The following MYT1L variants were observed in gnomAD, a reference collection of about 807,000 sequenced individuals.
The protein encoded by MYT1L is myelin transcription factor 1 like, also known as myelin transcription factor 1-like protein.
MYT1L carries 12 observed loss-of-function variants against 126.7 expected under a neutral mutation model. The observed-to-expected ratio is 0.09, with a 90% CI of 0.06 to 0.15. MYT1L has a LOEUF of 0.15. Ranked by LOEUF, MYT1L falls within the 10% of genes least tolerant of loss-of-function variation. The pLI, the probability that MYT1L is intolerant of heterozygous loss-of-function variation, is 1.00. For missense variants in MYT1L, 979 were observed against 1,585.2 expected (o/e 0.62, Z 6.49); for synonymous variants, 541 against 604.2 (o/e 0.90, Z 1.53).
intron 1 of MYT1L, among the ~76,000 whole-genome samples, chr2:2,316,585 G>A (rs994613153): frequency 2.0e-5 from 3 of 152,194 alleles, no homozygotes; most frequent in African/African-American, 4.8e-5. Flanking sequence ...AGGGTGGTTC[G>A]AGAGAAACCA....
At chr2:2,267,762 G>GTCC (rs2095169643) in intron 2 of MYT1L, among the ~76,000 whole-genome samples, 1 of 152,136 alleles carries the variant, frequency 6.6e-6, no homozygotes, top group Non-Finnish European at 1.5e-5. Flanking sequence ...CTGCAAGGAG[G>GTCC]TGCCTGGATC....
At chr2:2,285,594 C>T (rs1160110855) in intron 1 of MYT1L, among the ~76,000 whole-genome samples, 1 of 152,168 alleles carries the variant, frequency 6.6e-6, no homozygotes, top group Non-Finnish European at 1.5e-5. Context: ...AATGCCCTCC[C>T]CTTTCTGGGT....
At chr2:2,001,237 C>CTTTTTTTTTTTTTTTTGTTTTTTTTT (rs11389323) in intron 4 of MYT1L, among the ~76,000 whole-genome samples, 9 of 103,908 alleles carry the variant, frequency 8.7e-5, no homozygotes, top group African/African-American at 1.5e-4. Context: ...TTGGTTTTAG[C>CTTTTTTTTTTTTTTTTGTTTTTTTTT]TTTTTTTTTT....
intron 9 of MYT1L, among the ~76,000 whole-genome samples, chr2:1,937,179 G>C (rs921415666): frequency 6.6e-6 from 1 of 152,162 alleles, no homozygotes; most frequent in Admixed American, 6.5e-5. Flanking sequence ...TCCAACAAAA[G>C]CAGCCCCTGC....
chr2:2,095,812 A>C lies in MYT1L; in HGVS notation c.-303-41689T>G, dbSNP rs17039316. Among the ~76,000 whole-genome samples, 1,201 of 151,986 alleles carry C rather than the reference A, an allele frequency of 7.9e-3. 66 individuals are homozygous for C. In the East Asian group the frequency reaches 0.14, roughly 18 times the overall value. ...CCTGACCGCTCACACTCAGCACTTT[A>C]CTCTGTCCAGCTGTCATACTTGGGT... is the stretch of plus-strand genomic sequence containing the variant. On this transcript the variant is annotated intron_variant, in intron 3 of 24. Coordinates refer to ENST00000647738, the MANE Select transcript of MYT1L (RefSeq NM_001303052.2).
chr2:2,246,784 A>T (rs1206250881), intron 2 of MYT1L, among the ~76,000 whole-genome samples: 1 of 152,210 alleles, frequency 6.6e-6, no homozygotes, highest in Non-Finnish European at 1.5e-5. Context: ...AATTTTATTG[A>T]TCACTTATTG....
At chr2:1,883,132 C>T (rs999097605) in intron 18 of MYT1L, among the ~76,000 whole-genome samples, 2 of 152,286 alleles carry the variant, frequency 1.3e-5, no homozygotes, top group East Asian at 3.9e-4. Context: ...CTTTTTCCTA[C>T]AAGGAGTTAC....
intron 3 of MYT1L, among the ~76,000 whole-genome samples, chr2:2,166,988 TTTGA>T (rs1412335135): frequency 1.3e-5 from 2 of 152,342 alleles, no homozygotes; most frequent in East Asian, 1.9e-4. Context: ...GTGAAGGCAC[TTTGA>T]TTGAATAGCA....
At chr2:1,792,776 A>G (rs1308409524) in intron 23 of MYT1L, among the ~76,000 whole-genome samples, 1 of 148,864 alleles carries the variant, frequency 6.7e-6, no homozygotes. Flanking sequence ...AGACTGAGAC[A>G]TGAGAATAGC....
At chr2:1,869,357 T>A (rs937414354) in intron 18 of MYT1L, among the ~76,000 whole-genome samples, 4 of 152,164 alleles carry the variant, frequency 2.6e-5, no homozygotes, top group African/African-American at 9.7e-5. Flanking sequence ...GGGCACTGAG[T>A]TGGGGGTCTC....
intron 2 of MYT1L, among the ~76,000 whole-genome samples, chr2:2,233,254 G>C (rs2094202186): frequency 6.6e-6 from 1 of 152,236 alleles, no homozygotes; most frequent in South Asian, 2.1e-4. Context: ...GGTCCAAAGA[G>C]AAAACAGAGC....
At chr2:1,993,872 C>T (rs11679140) in intron 5 of MYT1L, among the ~76,000 whole-genome samples, 21,785 of 152,120 alleles carry the variant, frequency 0.14, 1,602 homozygotes, top group East Asian at 0.31. Flanking sequence ...GGAGGGTAAG[C>T]GTTCTCTCAC....
At position 1,887,694 on chromosome 2, in the gene MYT1L, C is replaced by T; in HGVS notation, c.2521-85G>A. ...GAGGTGGTTCGTGGCTCTGGGGTGGCCTCTACATCTTACACCTCTTTCTGC... is the reference window on the plus strand; with the variant it reads ...GAGGTGGTTCGTGGCTCTGGGGTGGTCTCTACATCTTACACCTCTTTCTGC... On this transcript the variant is annotated intron_variant, in intron 16 of 24. Coordinates refer to ENST00000647738, the MANE Select transcript of MYT1L (RefSeq NM_001303052.2). The surrounding 1 kb of genome is among the most constrained non-coding windows in gnomAD (Gnocchi z 4.8). The T allele has an allele frequency of 1.3e-6, 2 of 1,538,336 alleles. No individual in the cohort carries two copies. Among genetic ancestry groups the T allele is most frequent in the South Asian group, 2.3e-5 (2 of 88,366 alleles).
intron 3 of MYT1L, among the ~76,000 whole-genome samples, chr2:2,068,794 T>TTTTTTTTTG (rs2074229176): frequency 6.9e-6 from 1 of 145,090 alleles, no homozygotes; most frequent in African/African-American, 2.5e-5. Context: ...TTTTTTTTTT[T>TTTTTTTTTG]TTTTCATATG....
chr2:1,837,190 G>T (rs1002621306), intron 21 of MYT1L, among the ~76,000 whole-genome samples: 6 of 152,192 alleles, frequency 3.9e-5, no homozygotes, highest in Non-Finnish European at 8.8e-5. Flanking sequence ...GGAGGGAACA[G>T]CATTCATCTG....
intron 3 of MYT1L, among the ~76,000 whole-genome samples, chr2:2,108,003 G>T (rs542924295): frequency 2.6e-5 from 4 of 152,252 alleles, no homozygotes; most frequent in African/African-American, 9.6e-5. Context: ...AGAAATCGGG[G>T]CATATGCTTG....
At chr2:2,010,365 C>G (rs1368914621) in intron 4 of MYT1L, among the ~76,000 whole-genome samples, 1 of 152,074 alleles carries the variant, frequency 6.6e-6, no homozygotes, top group African/African-American at 2.4e-5. Flanking sequence ...AGTCTGAAGG[C>G]TGACTGTATG....
chr2:1,993,373 C>T (rs1391631511), intron 5 of MYT1L, among the ~76,000 whole-genome samples: 1 of 152,152 alleles, frequency 6.6e-6, no homozygotes, highest in African/African-American at 2.4e-5. Context: ...ACCTTCACTC[C>T]ACTCCACAAT....
intron 2 of MYT1L, among the ~76,000 whole-genome samples, chr2:2,199,477 C>T (rs1051080794): frequency 1.3e-5 from 2 of 152,172 alleles, no homozygotes; most frequent in East Asian, 1.9e-4. Flanking sequence ...TCACACTCTC[C>T]TTCCCCCGAG....
Sources: gnomAD v4.1 joint callset for allele counts (sites outside exome capture counted in the v4.1 genomes callset) on GRCh38, gnomAD v4.1.1 for gene constraint, Gnocchi (gnomAD v3.1) non-coding constraint, MANE v1.5 for transcripts, NCBI Gene and HGNC (gene_info 2026-07-23, HGNC 2026-07-21) for gene names.